PIP5K1B: variants seen among roughly 807,000 people sequenced by gnomAD.
PIP5K1B encodes phosphatidylinositol 4-phosphate 5-kinase type-1 beta.
PIP5K1B carries 42 observed loss-of-function variants against 67.0 expected under a neutral mutation model. That is an observed-to-expected ratio of 0.63 (90% CI 0.49 to 0.81). The LOEUF (loss-of-function observed/expected upper bound fraction) is 0.81, where lower values mean the gene tolerates loss of function less well. Ranked by LOEUF, PIP5K1B falls within the 30% of genes least tolerant of loss-of-function variation. The pLI, the probability that PIP5K1B is intolerant of heterozygous loss-of-function variation, is 0.00. For synonymous variants in PIP5K1B, 214 were observed against 231.4 expected (o/e 0.92, Z 0.68); for missense variants, 459 against 646.3 (o/e 0.71, Z 3.14).
chr9:68,776,197 G>C (rs987193500), intron 2 of PIP5K1B, among the ~76,000 whole-genome samples: 1 of 152,140 alleles, frequency 6.6e-6, no homozygotes, highest in African/African-American at 2.4e-5. Flanking sequence ...GCCCATCTTA[G>C]ATTATATACA....
chr9:68,798,671 G>T (rs1258576480), intron 2 of PIP5K1B, among the ~76,000 whole-genome samples: 1 of 152,150 alleles, frequency 6.6e-6, no homozygotes, highest in Non-Finnish European at 1.5e-5. Flanking sequence ...ACCACACGGG[G>T]TCTTATAGGG....
intron 1 of PIP5K1B, among the ~76,000 whole-genome samples, chr9:68,719,860 G>C (rs1827802147): frequency 6.6e-6 from 1 of 152,154 alleles, no homozygotes; most frequent in East Asian, 1.9e-4. Flanking sequence ...TTTATAGAAG[G>C]AATAGTCTTT....
intron 11 of PIP5K1B, 63 bp from the exon 12 acceptor site, chr9:68,923,239 C>CTCT (rs1449617549): frequency 6.6e-6 from 6 of 903,392 alleles, no homozygotes; most frequent in Non-Finnish European, 5.4e-6. Flanking sequence ...GCATAGATCT[C>CTCT]TCTTCTGACT....
chr9:68,819,446 T>A (rs1833620099), intron 3 of PIP5K1B, among the ~76,000 whole-genome samples: 2 of 152,166 alleles, frequency 1.3e-5, no homozygotes, highest in Admixed American at 6.5e-5. Flanking sequence ...GCTAATTTTT[T>A]ATTTTTTATA....
At chr9:68,970,028 C>T (rs1024378137) in intron 14 of PIP5K1B, among the ~76,000 whole-genome samples, 1 of 152,042 alleles carries the variant, frequency 6.6e-6, no homozygotes, top group Non-Finnish European at 1.5e-5. Flanking sequence ...ACCCCAACAC[C>T]CTTACTTTAG....
chr9:68,876,557 A>G, intron 5 of PIP5K1B, 120 bp from the exon 6 acceptor site: 1 of 655,244 alleles, frequency 1.5e-6, no homozygotes, highest in Non-Finnish European at 2.7e-6. Flanking sequence ...ACCCGCTCTC[A>G]GGGGATGATT....
At chr9:68,720,061 C>T (rs978984475) in intron 1 of PIP5K1B, among the ~76,000 whole-genome samples, 20 of 152,224 alleles carry the variant, frequency 1.3e-4, no homozygotes, top group Non-Finnish European at 2.2e-4. Flanking sequence ...GTTCTGTTTA[C>T]TACACTGTCT....
chr9:68,983,419 T>A (rs569526257), intron 14 of PIP5K1B, among the ~76,000 whole-genome samples: 1 of 152,220 alleles, frequency 6.6e-6, no homozygotes, highest in Non-Finnish European at 1.5e-5. Flanking sequence ...TGTTTGGAGT[T>A]GGCTTCTGCT....
At chr9:68,963,386 C>T in intron 14 of PIP5K1B, 2 of 311,386 alleles carry the variant, frequency 6.4e-6, no homozygotes, top group South Asian at 5.4e-5. Flanking sequence ...GCCTGTAACC[C>T]CAGCTACTCG....
At chr9:68,939,584 A>C (rs985945394) in intron 13 of PIP5K1B, among the ~76,000 whole-genome samples, 6 of 152,256 alleles carry the variant, frequency 3.9e-5, no homozygotes, top group African/African-American at 1.2e-4. Flanking sequence ...TATGACGATC[A>C]TCTTTTATCC....
At chr9:68,905,804 T>C (rs1398870673) in intron 8 of PIP5K1B, among the ~76,000 whole-genome samples, 2 of 152,176 alleles carry the variant, frequency 1.3e-5, no homozygotes, top group African/African-American at 4.8e-5. Flanking sequence ...GCCTGCACGA[T>C]TACCTTGTGA....
intron 4 of PIP5K1B, among the ~76,000 whole-genome samples, chr9:68,857,176 C>T (rs6560398): frequency 0.91 from 138,663 of 152,210 alleles, 63,405 homozygotes; most frequent in Admixed American, 0.95. Flanking sequence ...TGTCAAAACC[C>T]TGATTTTAGG....
At chr9:68,725,529 C>T (rs952624863) in intron 1 of PIP5K1B, among the ~76,000 whole-genome samples, 5 of 152,052 alleles carry the variant, frequency 3.3e-5, no homozygotes, top group African/African-American at 4.8e-5. Context: ...TTATAGCCCA[C>T]GAGTAAGCAA....
intron 4 of PIP5K1B, among the ~76,000 whole-genome samples, chr9:68,841,958 A>G (rs1821942668): frequency 6.6e-6 from 1 of 152,218 alleles, no homozygotes; most frequent in Admixed American, 6.5e-5. Context: ...CTTGTCCAAG[A>G]GTATGCTGAG....
chr9:68,985,018 T>C (rs1315656890), intron 14 of PIP5K1B, among the ~76,000 whole-genome samples: 1 of 152,056 alleles, frequency 6.6e-6, no homozygotes, highest in Non-Finnish European at 1.5e-5. Flanking sequence ...GGCAGACACA[T>C]GGGGAGGGAT....
intron 2 of PIP5K1B, among the ~76,000 whole-genome samples, chr9:68,794,631 T>C (rs942611792): frequency 3.3e-5 from 5 of 152,000 alleles, no homozygotes; most frequent in African/African-American, 1.2e-4. Context: ...GACACAATTA[T>C]TTCTGTAACT....
At chr9:68,994,549 A>T (rs548541102) in intron 15 of PIP5K1B, among the ~76,000 whole-genome samples, 1 of 152,360 alleles carries the variant, frequency 6.6e-6, no homozygotes, top group South Asian at 2.1e-4. Context: ...CTTGATATAT[A>T]TAACACATCA....
chr9:68,969,886 C>T (rs900195841), intron 14 of PIP5K1B, among the ~76,000 whole-genome samples: 2 of 152,028 alleles, frequency 1.3e-5, no homozygotes, highest in African/African-American at 4.8e-5. Context: ...TTAGAAAATC[C>T]GTAAAAGGGT....
At chr9:68,913,924 A>G (rs920602610) in intron 8 of PIP5K1B, among the ~76,000 whole-genome samples, 3 of 152,140 alleles carry the variant, frequency 2.0e-5, no homozygotes, top group Non-Finnish European at 4.4e-5. Flanking sequence ...TACTTTATCC[A>G]ATAGTTCAGT....
Sources: gnomAD v4.1 joint callset for allele counts (sites outside exome capture counted in the v4.1 genomes callset) on GRCh38, gnomAD v4.1.1 for gene constraint, MANE v1.5 for transcripts, NCBI Gene and HGNC (gene_info 2026-07-23, HGNC 2026-07-21) for gene names.